Variants in ABCD2 observed in about 807,000 individuals in gnomAD.
ABCD2 encodes the protein ATP binding cassette subfamily D member 2.
In ABCD2, 36 loss-of-function variants were observed where a neutral mutation model predicts 70.9. The ratio of observed to expected loss-of-function variants is 0.51; its 90% confidence interval spans 0.39 to 0.67. The LOEUF (loss-of-function observed/expected upper bound fraction) is 0.67. Ranked by LOEUF, ABCD2 falls within the 30% of genes least tolerant of loss-of-function variation. The pLI, the probability that ABCD2 is intolerant of heterozygous loss-of-function variation, is 0.00. For missense variants in ABCD2, 729 were observed against 890.2 expected (o/e 0.82, Z 2.30); for synonymous variants, 304 against 306.9 (o/e 0.99, Z 0.10).
At chr12:39,565,442 G>A (rs1029026280) in intron 9 of ABCD2, among the ~76,000 whole-genome samples, 5 of 152,094 alleles carry the variant, frequency 3.3e-5, no homozygotes, top group Non-Finnish European at 5.9e-5. Context: ...TCTGTTATTG[G>A]TGTATAAGAA....
rs111507193 is a variant in ABCD2 at position 39,550,972 on chromosome 12, A to C, written c.*2940T>G. The C allele has an allele frequency of 2.6e-5, 4 of 151,854 alleles. 1 individual carries two copies. The highest frequency in any genetic ancestry group is 9.6e-5 in the African/African-American group (4 of 41,552). The allele number at this position is 151,854 out of a possible 1,614,324, so 9.4% of individuals were successfully genotyped here. On this transcript the variant is annotated 3_prime_UTR_variant, in exon 10 of 10. Coordinates refer to ENST00000308666, the MANE Select transcript of ABCD2 (RefSeq NM_005164.4). ...ACCAATGTTTCAAATAAAAACTAGG[A>C]TATTCATTTATGCCTTTACTGACAG... is the stretch of plus-strand genomic sequence containing the variant.
chr12:39,593,761 A>G (rs1941777742), intron 6 of ABCD2, among the ~76,000 whole-genome samples: 1 of 152,184 alleles, frequency 6.6e-6, no homozygotes, highest in Admixed American at 6.5e-5. Context: ...GCCATAATGC[A>G]TCCTGAAAAT....
At chr12:39,556,566 C>T (rs1009504505) in intron 9 of ABCD2, among the ~76,000 whole-genome samples, 1 of 152,178 alleles carries the variant, frequency 6.6e-6, no homozygotes, top group African/African-American at 2.4e-5. Flanking sequence ...GCCTCCCCAG[C>T]CATGCTGAAC....
the ABCD2 span, among the ~76,000 whole-genome samples, chr12:39,541,002 CAG>C: frequency 4.0e-5 from 6 of 151,644 alleles, no homozygotes; most frequent in East Asian, 1.2e-3. Context: ...AAATATTTTA[CAG>C]AGTTTCACTG....
At chr12:39,606,264 A>G (rs977093200) in intron 3 of ABCD2, among the ~76,000 whole-genome samples, 1 of 152,200 alleles carries the variant, frequency 6.6e-6, no homozygotes, top group Non-Finnish European at 1.5e-5. Flanking sequence ...GGTACAAGAC[A>G]GGGAATTTGT....
intron 8 of ABCD2, among the ~76,000 whole-genome samples, chr12:39,574,769 C>CA (rs1941493954): frequency 6.6e-6 from 1 of 151,944 alleles, no homozygotes; most frequent in African/African-American, 2.4e-5. Context: ...AATAAAATGA[C>CA]AAAAAAGTTA....
Position 39,600,734 on chromosome 12 carries a change from A to G in ABCD2, c.1501-18T>C. On this transcript the variant is annotated intron_variant, in intron 5 of 9. Transcript: ENST00000308666. ...TCTTCTACCTAAAGTAAGAAATAAA[A>G]TTACAAACTGCAATAGTTTAAAATG... is the stretch of plus-strand genomic sequence containing the variant. 6.3e-7 allele frequency: 1 copy of G among 1,585,340 alleles called. No individual in the cohort carries two copies. Among genetic ancestry groups the G allele is most frequent in the Non-Finnish European group, 8.6e-7 (1 of 1,163,926 alleles).
chr12:39,549,662 C>T (rs1438673317), downstream of ABCD2, among the ~76,000 whole-genome samples: 1 of 151,726 alleles, frequency 6.6e-6, no homozygotes, highest in Non-Finnish European at 1.5e-5. Flanking sequence ...GTTTGGTTAA[C>T]CAGAAACCTT....
chr12:39,554,002 G>C lies in ABCD2; in HGVS notation c.2133C>G (p.Pro711=). ...GTTCATTGAGTCTCTGCTGCATTTTGGGAATTCCAGCTAGCTGAGATTCTA... is the reference window on the plus strand; with the variant it reads ...GTTCATTGAGTCTCTGCTGCATTTTCGGAATTCCAGCTAGCTGAGATTCTA... ...QKLESQLAGI[P]KMQQRLNELC... Residue 711 remains proline (P), a synonymous_variant, in exon 10 of 10, where the codon CCC becomes CCG. Coordinates refer to ENST00000308666, the MANE Select transcript of ABCD2 (RefSeq NM_005164.4). 2 of 1,613,320 alleles carry C rather than the reference G, an allele frequency of 1.2e-6. No individual in the cohort carries two copies. The highest frequency in any genetic ancestry group is 1.7e-6 in the Non-Finnish European group (2 of 1,179,784).
chr12:39,608,658 A>G (rs984629981), intron 2 of ABCD2, among the ~76,000 whole-genome samples: 2 of 152,224 alleles, frequency 1.3e-5, no homozygotes, highest in Non-Finnish European at 2.9e-5. Context: ...ACTACACTCC[A>G]GCCTGGGTGA....
chr12:39,532,996 GA>G, the ABCD2 span, among the ~76,000 whole-genome samples: 483 of 145,630 alleles, frequency 3.3e-3, 5 homozygotes, highest in African/African-American at 0.01. Flanking sequence ...CGTCTCTACT[GA>G]AAAAAAAAAA....
In ABCD2 at chr12:39,573,830, G is replaced by A; in HGVS notation, c.1889C>T (p.Ala630Val). ...ARMFYHKPKY[A>V]LLDECTSAVS... ...AGCACTGGTACATTCATCCAGCAAGGCATATTTTGGTCTTTTAAAAAGTAC... is the reference window on the plus strand; with the variant it reads ...AGCACTGGTACATTCATCCAGCAAGACATATTTTGGTCTTTTAAAAAGTAC... Residue 630 changes from alanine (A) to valine (V), a missense_variant, in exon 9 of 10, where the codon GCC becomes GTC. By Grantham distance (64) the Ala-to-Val change is moderately conservative (BLOSUM62 0). Transcript: ENST00000308666. 1.9e-6 allele frequency: 3 copies of A among 1,609,776 alleles called. No homozygotes were observed. The highest frequency in any genetic ancestry group is 2.5e-6 in the Non-Finnish European group (3 of 1,177,998).
rs546315248 is a variant in ABCD2 at position 39,605,351 on chromosome 12, T to C, written c.1237-421A>G. On this transcript the variant is annotated intron_variant, in intron 3 of 9. Transcript: ENST00000308666. ...TAAGTAGGAGAAAAGTACCTTTTTG[T>C]CCTATTATGAAATGAATGTTTCTGA... Among the ~76,000 whole-genome samples the C allele has an allele frequency of 2.6e-5, 4 of 152,064 alleles. No individual in the cohort carries two copies. The South Asian group carries it at 8.3e-4, about 32-fold the overall frequency.
intron 7 of ABCD2, among the ~76,000 whole-genome samples, chr12:39,580,551 T>G (rs1941583140): frequency 6.6e-6 from 1 of 152,200 alleles, no homozygotes; most frequent in South Asian, 2.1e-4. Context: ...TTAGATTCAT[T>G]TCCTAAGTTA....
At chr12:39,559,461 C>A (rs1444511985) in intron 9 of ABCD2, among the ~76,000 whole-genome samples, 2 of 149,902 alleles carry the variant, frequency 1.3e-5, no homozygotes, top group Admixed American at 6.7e-5. Context: ...ATTTATAAAG[C>A]TTATTTAAAT....
the ABCD2 span, among the ~76,000 whole-genome samples, chr12:39,532,415 G>A: frequency 6.6e-6 from 1 of 152,092 alleles, no homozygotes; most frequent in African/African-American, 2.4e-5. Flanking sequence ...GAATAATTGG[G>A]TTCTATTTTT....
At chr12:39,535,897 C>G in the ABCD2 span, among the ~76,000 whole-genome samples, 1 of 152,110 alleles carries the variant, frequency 6.6e-6, no homozygotes, top group African/African-American at 2.4e-5. Context: ...AATCCCAGCA[C>G]TTTGGGAGGC....
At chr12:39,565,753 T>C (rs1941335669) in intron 9 of ABCD2, among the ~76,000 whole-genome samples, 1 of 152,212 alleles carries the variant, frequency 6.6e-6, no homozygotes, top group Non-Finnish European at 1.5e-5. Context: ...CAGTATGATA[T>C]TGGCTGTGGG....
chr12:39,605,166 G>T (rs1941953034), intron 3 of ABCD2, among the ~76,000 whole-genome samples: 1 of 151,936 alleles, frequency 6.6e-6, no homozygotes, highest in Non-Finnish European at 1.5e-5. Flanking sequence ...GAATATTAAT[G>T]ACACTTAAGG....
Sources: gnomAD v4.1 joint callset for allele counts (sites outside exome capture counted in the v4.1 genomes callset) on GRCh38, gnomAD v4.1.1 for gene constraint, MANE v1.5 for transcripts, NCBI Gene and HGNC (gene_info 2026-07-23, HGNC 2026-07-21) for gene names.